Variants in HK2 observed in about 807,000 individuals in gnomAD.
The protein encoded by HK2 is hexokinase 2.
A neutral mutation model predicts 92.9 loss-of-function variants in HK2; 42 were observed. The observed-to-expected ratio is 0.45, with a 90% CI of 0.35 to 0.58. HK2 has a LOEUF of 0.58. Among genes scored for constraint, HK2 ranks in the 20% least tolerant of loss-of-function variants. The probability of loss-of-function intolerance (pLI) is 0.00; values close to 1 mark genes in which losing one functional copy is unlikely to be tolerated. For synonymous variants in HK2, 422 were observed against 468.0 expected (o/e 0.90, Z 1.27); for missense variants, 978 against 1,245.1 (o/e 0.79, Z 3.23).
At position 74,889,404 on chromosome 2, in the gene HK2, A is replaced by G. The variant is rs774993499; in HGVS notation, c.2535A>G (p.Ile845Met). Reference sequence around the variant, plus strand: ...GCATGGCCGCTGTGGTGGACAGGATACGAGAAAACCGTGGGCTGGACGCTC... The same window carrying G: ...GCATGGCCGCTGTGGTGGACAGGATGCGAGAAAACCGTGGGCTGGACGCTC... The part of the protein sequence containing the change: ...GAGMAAVVDR[I>M]RENRGLDALK... Residue 845 changes from isoleucine (I) to methionine (M), a missense_variant, in exon 17 of 18, where the codon ATA becomes ATG. Ile to Met is a conservative substitution (Grantham distance 10, BLOSUM62 1). Coordinates refer to ENST00000290573, the MANE Select transcript of HK2 (RefSeq NM_000189.5). The G allele has an allele frequency of 5.6e-6, 9 of 1,614,080 alleles. No individual in the cohort carries two copies. The East Asian group carries it at 1.8e-4, about 32-fold the overall frequency.
At chr2:74,835,945 T>C (rs1688156232) in intron 1 of HK2, among the ~76,000 whole-genome samples, 1 of 152,170 alleles carries the variant, frequency 6.6e-6, no homozygotes, top group Admixed American at 6.5e-5. Flanking sequence ...TGATGGCGCG[T>C]GAACCTCCAA....
At chr2:74,862,921 A>C (rs1223175003) in intron 2 of HK2, among the ~76,000 whole-genome samples, 1 of 152,182 alleles carries the variant, frequency 6.6e-6, no homozygotes, top group Non-Finnish European at 1.5e-5. Context: ...CAGATGATGA[A>C]ATCTGAGTGT....
rs934662202 is a variant in HK2 at position 74,834,233 on chromosome 2, G to A, written c.-348G>A. ...GCCCGAGCCACGCGCCTGTGAATCG[G>A]AGAGGTCCCACTGCCCGAGTGGAGC... is the stretch of plus-strand genomic sequence containing the variant. On this transcript the variant is annotated 5_prime_UTR_variant, in exon 1 of 18. Coordinates refer to ENST00000290573, the MANE Select transcript of HK2 (RefSeq NM_000189.5). This position sits in a 1 kb window ranked among gnomAD's most constrained non-coding sequence, Gnocchi z 4.2. The A allele has an allele frequency of 1.7e-5, 7 of 409,252 alleles. No homozygotes were observed. The Admixed American group carries it at 2.1e-4, about 13-fold the overall frequency. The allele number at this position is 409,252 out of a possible 1,614,324, so 25.4% of individuals were successfully genotyped here. A position where few individuals can be genotyped will look rare whatever the true frequency, so the allele number is the denominator to read the frequency against.
At chr2:74,882,695 C>T (rs1327603229) in intron 12 of HK2, among the ~76,000 whole-genome samples, 1 of 147,842 alleles carries the variant, frequency 6.8e-6, no homozygotes. Context: ...TTAACCCTCA[C>T]AGCAACCATA....
At chr2:74,853,536 C>T (rs943829487) in intron 1 of HK2, among the ~76,000 whole-genome samples, 9 of 150,410 alleles carry the variant, frequency 6.0e-5, no homozygotes, top group Non-Finnish European at 8.9e-5. Flanking sequence ...ACAACAACAA[C>T]AACAACAACA....
At chr2:74,835,859 A>G (rs1688153613) in intron 1 of HK2, among the ~76,000 whole-genome samples, 1 of 152,174 alleles carries the variant, frequency 6.6e-6, no homozygotes, top group African/African-American at 2.4e-5. Context: ...ATGTCTTGCC[A>G]TTACCGTTCT....
chr2:74,845,633 T>G lies in HK2; in HGVS notation c.64-8660T>G. On this transcript the variant is annotated intron_variant, in intron 1 of 17. Transcript: ENST00000290573. Reference sequence around the variant, plus strand: ...CCTGGTCAGCTCTGCGCTTACCCGCTGCCTCGGGTTTGTGAGTCTGCAGTG... The same window carrying G: ...CCTGGTCAGCTCTGCGCTTACCCGCGGCCTCGGGTTTGTGAGTCTGCAGTG... Among the ~76,000 whole-genome samples the G allele has an allele frequency of 1.3e-5, 2 of 152,268 alleles. 1 individual carries two copies. The highest frequency in any genetic ancestry group is 2.9e-5 in the Non-Finnish European group (2 of 68,044).
intron 16 of HK2, 96 bp from the exon 17 acceptor site, chr2:74,889,149 A>C: frequency 9.8e-7 from 1 of 1,025,472 alleles, no homozygotes; most frequent in South Asian, 1.4e-5. Context: ...CTAGACCCCC[A>C]CAGAGCCTCC....
At chr2:74,880,629 C>A in intron 10 of HK2, 60 bp downstream of exon 10, 2 of 1,526,744 alleles carry the variant, frequency 1.3e-6, no homozygotes, top group East Asian at 2.3e-5. Flanking sequence ...TGTTGATACC[C>A]TGGGAGGGAT....
intron 1 of HK2, among the ~76,000 whole-genome samples, chr2:74,849,095 T>G (rs1173972906): frequency 1.3e-5 from 2 of 152,196 alleles, no homozygotes; most frequent in African/African-American, 2.4e-5. Context: ...TTCTCTCCAT[T>G]TGTTGCTTTG....
chr2:74,877,192 A>G lies in HK2; in HGVS notation c.902A>G (p.Tyr301Cys), dbSNP rs199736350. ...QLFEKMISGM[Y>C]MGELVRLILV... is the part of the protein sequence containing the mutation. ...TTTGAGAAGATGATCAGTGGGATGT[A>G]CATGGGGGAGCTGGTGAGGCTTATC... is the stretch of plus-strand genomic sequence containing the variant. Residue 301 changes from tyrosine (Y) to cysteine (C), a missense_variant, in exon 8 of 18, where the codon TAC becomes TGC. Tyr to Cys is a radical substitution (Grantham distance 194). Around this residue, in one of 3 missense-constraint regions of HK2, gnomAD observed 742 missense variants for 922.5 expected, o/e 0.80. Coordinates refer to ENST00000290573, the MANE Select transcript of HK2 (RefSeq NM_000189.5). The G allele has an allele frequency of 6.2e-7, 1 of 1,614,068 alleles. No homozygotes were observed. Among genetic ancestry groups the G allele is most frequent in the Non-Finnish European group, 8.5e-7 (1 of 1,180,042 alleles).
chr2:74,851,119 T>TA (rs201454715), intron 1 of HK2, among the ~76,000 whole-genome samples: 1,592 of 152,238 alleles, frequency 0.01, 16 homozygotes, highest in Non-Finnish European at 0.015. Context: ...CCATCCACAC[T>TA]AAGAGGGGCC....
chr2:74,878,820 C>T lies in HK2; in HGVS notation c.1164C>T (p.Ala388=), dbSNP rs1205594535. 1.3e-6 allele frequency: 2 copies of T among 1,559,912 alleles called. No individual in the cohort carries two copies. Among genetic ancestry groups the T allele is most frequent in the Non-Finnish European group, 1.7e-6 (2 of 1,151,456 alleles). ...CACGCTCCGCCAGCCTGTGCGCAGC[C>T]ACCCTGGCCGCCGTGCTGCAGCGCA... The part of the protein sequence containing the change: ...VSTRSASLCA[A]TLAAVLQRIK... Residue 388 remains alanine, a synonymous_variant, in exon 9 of 18, where the codon GCC becomes GCT. Coordinates refer to ENST00000290573, the MANE Select transcript of HK2 (RefSeq NM_000189.5).
intron 3 of HK2, among the ~76,000 whole-genome samples, chr2:74,870,796 G>A (rs1237976122): frequency 2.6e-5 from 4 of 152,172 alleles, no homozygotes; most frequent in Admixed American, 1.3e-4. Context: ...AGAGAGCCTT[G>A]TCCTCCCCAG....
chr2:74,872,516 C>T, intron 4 of HK2, 97 bp downstream of exon 4: 1 of 1,476,776 alleles, frequency 6.8e-7, no homozygotes, highest in Non-Finnish European at 9.4e-7. Context: ...GGTGGTAGCA[C>T]TGGAGGATTG....
intron 1 of HK2, among the ~76,000 whole-genome samples, chr2:74,845,810 T>C (rs1688422032): frequency 1.3e-5 from 2 of 152,268 alleles, no homozygotes; most frequent in African/African-American, 4.8e-5. Context: ...CTGCTGTGTG[T>C]CTTCCCCCCG....
chr2:74,893,319 A>G lies in HK2; in HGVS notation c.*2378A>G, dbSNP rs1173480797. 1.3e-5 allele frequency: 2 copies of G among 152,218 alleles called. No individual in the cohort carries two copies. Among genetic ancestry groups the G allele is most frequent in the East Asian group, 3.8e-4 (2 of 5,200 alleles). 9.4% of individuals were successfully genotyped at this position (152,218 alleles called of 1,614,324 possible). On this transcript the variant is annotated 3_prime_UTR_variant, in exon 18 of 18. Coordinates refer to ENST00000290573, the MANE Select transcript of HK2 (RefSeq NM_000189.5). ...TAGTTTAATTAACTATGTGATGTTA[A>G]CTATTATTAATAAATTTTAACATTT...
intron 12 of HK2, among the ~76,000 whole-genome samples, chr2:74,884,590 G>C (rs2104003665): frequency 6.6e-6 from 1 of 152,342 alleles, no homozygotes; most frequent in South Asian, 2.1e-4. Context: ...TCTGAACACA[G>C]TGTGACACCT....
chr2:74,888,599 T>C (rs1487371), intron 16 of HK2, among the ~76,000 whole-genome samples: 72,682 of 152,086 alleles, frequency 0.48, 18,248 homozygotes, highest in Middle Eastern at 0.73. Flanking sequence ...GCTGTGCCAT[T>C]ACTCTCAGGG....
Sources: gnomAD v4.1 joint callset for allele counts (sites outside exome capture counted in the v4.1 genomes callset) on GRCh38, gnomAD v4.1.1 for gene constraint, gnomAD v4.1.1 regional missense constraint, Gnocchi (gnomAD v3.1) non-coding constraint, MANE v1.5 for transcripts, NCBI Gene and HGNC (gene_info 2026-07-23, HGNC 2026-07-21) for gene names.